PALLD: variants seen among roughly 807,000 people sequenced by gnomAD.
PALLD encodes palladin, cytoskeletal associated protein.
PALLD carries 61 observed loss-of-function variants against 123.5 expected under a neutral mutation model. The ratio of observed to expected loss-of-function variants is 0.49; its 90% CI spans 0.40 to 0.61. PALLD has a LOEUF of 0.61. PALLD is among the 20% of genes least tolerant of loss of function. PALLD has a pLI of 0.00. For synonymous variants in PALLD, 465 were observed against 496.4 expected, an observed-to-expected ratio of 0.94 and a Z score of 0.84; for missense variants, 1,273 against 1,377.0, an observed-to-expected ratio of 0.92 and a Z score of 1.20.
intron 10 of PALLD, among the ~76,000 whole-genome samples, chr4:168,788,877 T>A (rs2150589454): frequency 6.6e-6 from 1 of 152,200 alleles, no homozygotes; most frequent in Middle Eastern, 3.4e-3. Flanking sequence ...AATAAATGAA[T>A]GAGTAAAGCA....
At chr4:168,761,638 G>GTTTTTTTTTTTTTTTTTTTT in intron 10 of PALLD, among the ~76,000 whole-genome samples, 2 of 19,548 alleles carry the variant, frequency 1.0e-4, no homozygotes, top group East Asian at 3.7e-3. Flanking sequence ...TTTTGTTGTT[G>GTTTTTTTTTTTTTTTTTTTT]TTGTTTGTTT....
intron 10 of PALLD, among the ~76,000 whole-genome samples, chr4:168,720,623 A>G (rs1785912013): frequency 6.6e-6 from 1 of 152,226 alleles, no homozygotes; most frequent in Admixed American, 6.5e-5. Flanking sequence ...TGAACTCTTC[A>G]TAAATACAAT....
In PALLD at chr4:168,681,540, A is replaced by ATTTTTTTTT. The variant is rs34328020; in HGVS notation, c.1154+157_1154+165dup. ...GATCAAATACTGAGGTTGGAACACA[A>ATTTTTTTTT]TTTTTTTTTTTTTTTTTTTTTTTGA... On this transcript the variant is annotated intron_variant, in intron 4 of 21. Coordinates refer to ENST00000505667, the MANE Select transcript of PALLD (RefSeq NM_001166108.2). 66 of 340,338 alleles carry ATTTTTTTTT rather than the reference A, an allele frequency of 1.9e-4. 1 individual carries two copies. The highest frequency in any genetic ancestry group is 1.2e-3 in the African/African-American group (38 of 31,682). The allele number at this position is 340,338 out of a possible 1,614,324, so 21.1% of individuals were successfully genotyped here. A position where few individuals can be genotyped will look rare whatever the true frequency, so the allele number is the denominator to read the frequency against.
At chr4:168,924,486 T>TC in intron 19 of PALLD, 66 bp downstream of exon 19, 2 of 1,389,946 alleles carry the variant, frequency 1.4e-6, no homozygotes, top group Non-Finnish European at 2.0e-6. Context: ...AAAAGATACA[T>TC]TTTATATAGC....
chr4:168,681,800 A>G (rs1159243650), intron 4 of PALLD, among the ~76,000 whole-genome samples: 1 of 152,046 alleles, frequency 6.6e-6, no homozygotes, highest in East Asian at 1.9e-4. Context: ...CTCCTGCCTC[A>G]GCTTCCCAAA....
At chr4:168,505,211 C>T (rs765489941) in intron 1 of PALLD, among the ~76,000 whole-genome samples, 1 of 152,136 alleles carries the variant, frequency 6.6e-6, no homozygotes, top group Non-Finnish European at 1.5e-5. Context: ...AAGCCTGAAC[C>T]AGATATGCCA....
At chr4:168,520,820 C>T (rs1329361836) in intron 2 of PALLD, among the ~76,000 whole-genome samples, 2 of 152,208 alleles carry the variant, frequency 1.3e-5, no homozygotes, top group Admixed American at 6.5e-5. Context: ...GAAAATGTTG[C>T]TCTCACTGAT....
chr4:168,541,475 A>G (rs200230231), intron 2 of PALLD, among the ~76,000 whole-genome samples: 24 of 80,642 alleles, frequency 3.0e-4, no homozygotes, highest in African/African-American at 8.9e-4. Flanking sequence ...TTATTTATTT[A>G]TTTATTTATT....
intron 10 of PALLD, among the ~76,000 whole-genome samples, chr4:168,762,782 C>G (rs1733131963): frequency 6.6e-6 from 1 of 152,146 alleles, no homozygotes; most frequent in Admixed American, 6.5e-5. Flanking sequence ...ACCCAAATGC[C>G]CATCAATGAT....
intron 10 of PALLD, among the ~76,000 whole-genome samples, chr4:168,860,433 G>A (rs540852864): frequency 2.6e-5 from 4 of 152,306 alleles, no homozygotes; most frequent in Admixed American, 2.6e-4. Context: ...AAACAAGATA[G>A]TAAAAGAGAG....
intron 19 of PALLD, 64 bp downstream of exon 19, chr4:168,924,484 C>A: frequency 7.2e-7 from 1 of 1,397,632 alleles, no homozygotes; most frequent in Non-Finnish European, 1.0e-6. Flanking sequence ...TCAAAAGATA[C>A]ATTTTATATA....
At chr4:168,726,435 C>A (rs1009667507) in intron 10 of PALLD, among the ~76,000 whole-genome samples, 2 of 152,094 alleles carry the variant, frequency 1.3e-5, no homozygotes, top group Admixed American at 1.3e-4. Context: ...CTCCAGGTAC[C>A]CAGGATCATT....
At chr4:168,569,812 C>T (rs1476188883) in intron 2 of PALLD, among the ~76,000 whole-genome samples, 1 of 152,024 alleles carries the variant, frequency 6.6e-6, no homozygotes, top group Non-Finnish European at 1.5e-5. Flanking sequence ...ATTGACCACA[C>T]CCTTCATTAA....
At chr4:168,521,587 C>T (rs984433930) in intron 2 of PALLD, among the ~76,000 whole-genome samples, 3 of 152,070 alleles carry the variant, frequency 2.0e-5, no homozygotes, top group Admixed American at 2.0e-4. Flanking sequence ...ATAAACTCCC[C>T]GCACTCTACC....
chr4:168,871,273 T>C (rs1751035310), intron 10 of PALLD, among the ~76,000 whole-genome samples: 1 of 152,244 alleles, frequency 6.6e-6, no homozygotes, highest in African/African-American at 2.4e-5. Flanking sequence ...ATTAACCATA[T>C]GAAACCTTAA....
intron 10 of PALLD, among the ~76,000 whole-genome samples, chr4:168,884,624 T>C (rs1753086500): frequency 6.6e-6 from 1 of 152,216 alleles, no homozygotes; most frequent in African/African-American, 2.4e-5. Flanking sequence ...ACCATAAAAA[T>C]ACAATTTTTC....
At chr4:168,897,914 G>A (rs1234953062) in intron 13 of PALLD, 1 of 152,586 alleles carries the variant, frequency 6.6e-6, no homozygotes, top group African/African-American at 2.4e-5. Flanking sequence ...GAGCTGAGGA[G>A]GCGGCCCTTG....
intron 10 of PALLD, among the ~76,000 whole-genome samples, chr4:168,863,589 A>G (rs888084778): frequency 1.2e-4 from 19 of 152,154 alleles, no homozygotes; most frequent in Non-Finnish European, 2.6e-4. Flanking sequence ...CTGATCCTAC[A>G]TAGTAATTTT....
Position 168,761,645 on chromosome 4 carries a change from G to GTTTTTTTTTTTTTTTTTTTTTT in PALLD, c.1964+49732_1964+49753dup, listed in dbSNP as rs70961555. On this transcript the variant is annotated intron_variant, in intron 10 of 21. Transcript: ENST00000505667. ...CCAGCTATTTTTGTTGTTGTTGTTT[G>GTTTTTTTTTTTTTTTTTTTTTT]TTTTTTTTTTTTTTTTTTTTTTTTT... 2.7e-3 allele frequency among the ~76,000 whole-genome samples: 234 copies of GTTTTTTTTTTTTTTTTTTTTTT among 87,878 alleles called. 35 individuals are homozygous for GTTTTTTTTTTTTTTTTTTTTTT. The highest frequency in any genetic ancestry group is 5.5e-3 in the South Asian group (11 of 1,994). The allele number at this position is 87,878 out of a possible 152,430, so 57.7% of individuals were successfully genotyped here.
Sources: allele counts gnomAD v4.1 joint callset (sites outside exome capture counted in the v4.1 genomes callset), GRCh38; gene constraint gnomAD v4.1.1; transcripts MANE v1.5; gene names NCBI Gene and HGNC (gene_info 2026-07-23, HGNC 2026-07-21).